The following ZSCAN32 variants were observed in gnomAD, a reference collection of about 807,000 sequenced individuals.
ZSCAN32 encodes the protein zinc finger and SCAN domain-containing protein 32.
ZSCAN32 carries 52 observed loss-of-function variants against 47.4 expected under a neutral mutation model. The observed-to-expected ratio is 1.10, with a 90% CI of 0.88 to 1.38. The LOEUF (loss-of-function observed/expected upper bound fraction) is 1.38. ZSCAN32 is among the 40% of genes most tolerant of loss of function. The pLI is 0.00. For missense variants in ZSCAN32, 959 were observed against 846.0 expected, an observed-to-expected ratio of 1.13 and a Z score of -1.66; for synonymous variants, 346 against 305.7, an observed-to-expected ratio of 1.13 and a Z score of -1.38.
At chr16:3,390,667 T>C in intron 3 of ZSCAN32, 150 bp from the exon 4 acceptor site, 1 of 600,452 alleles carries the variant, frequency 1.7e-6, no homozygotes, top group South Asian at 2.0e-5. Context: ...TCAGATCTTC[T>C]GAATCGGAAA....
At chr16:3,390,370 T>C in intron 4 of ZSCAN32, 53 bp downstream of exon 4, 1 of 1,472,898 alleles carries the variant, frequency 6.8e-7, no homozygotes. Context: ...AGGAGGAGGG[T>C]TTTGGGGTGA....
intron 1 of ZSCAN32, among the ~76,000 whole-genome samples, chr16:3,399,106 G>A (rs1043028664): frequency 3.9e-5 from 6 of 152,072 alleles, no homozygotes; most frequent in African/African-American, 1.2e-4. Flanking sequence ...ACCTGTAGTC[G>A]CAGCTACTCG....
intron 4 of ZSCAN32, 109 bp downstream of exon 4, chr16:3,390,314 C>G: frequency 7.4e-7 from 1 of 1,353,520 alleles, no homozygotes; most frequent in South Asian, 1.5e-5. Flanking sequence ...CAAAATAACC[C>G]GAGAAGCCCC....
At chr16:3,389,517 C>T (rs1382392372) in intron 5 of ZSCAN32, among the ~76,000 whole-genome samples, 1 of 152,192 alleles carries the variant, frequency 6.6e-6, no homozygotes, top group Non-Finnish European at 1.5e-5. Context: ...GTCTGCTTGG[C>T]AGAACCTTCC....
At chr16:3,398,862 G>A (rs1567331231) in intron 1 of ZSCAN32, among the ~76,000 whole-genome samples, 1 of 152,174 alleles carries the variant, frequency 6.6e-6, no homozygotes, top group African/African-American at 2.4e-5. Context: ...GTTCGGGTTT[G>A]CTGTATGTTT....
chr16:3,388,376 C>T (rs1465537627), intron 5 of ZSCAN32, among the ~76,000 whole-genome samples: 1 of 152,170 alleles, frequency 6.6e-6, no homozygotes, highest in Non-Finnish European at 1.5e-5. Context: ...TCAGTGAGGG[C>T]GACCCTGAGG....
Position 3,383,043 on chromosome 16 carries a change from A to G in ZSCAN32, c.1903T>C (p.Cys635Arg), listed in dbSNP as rs775173234. Residue 635 changes from cysteine (C) to arginine (R), a missense_variant, in exon 7 of 7, where the codon TGT becomes CGT. Physicochemically the swap from Cys to Arg is radical, Grantham distance 180 (BLOSUM62 -3). Coordinates refer to ENST00000396852, the MANE Select transcript of ZSCAN32 (RefSeq NM_001284527.2). ...RIHTGESPYKCAVCGKIFNNS... is the reference protein window; with the variant it reads ...RIHTGESPYKRAVCGKIFNNS... Reference sequence around the variant, plus strand: ...TTGAAGATTTTCCCACACACTGCACACTTGTATGGGCTCTCCCCAGTGTGG... The same window carrying G: ...TTGAAGATTTTCCCACACACTGCACGCTTGTATGGGCTCTCCCCAGTGTGG... 6.2e-7 allele frequency: 1 copy of G among 1,613,938 alleles called. No individual in the cohort carries two copies. Among genetic ancestry groups the G allele is most frequent in the Admixed American group, 1.7e-5 (1 of 60,008 alleles).
chr16:3,384,451 A>C lies in ZSCAN32; in HGVS notation c.1234+8T>G. On this transcript the variant is annotated splice_region_variant and intron_variant, in intron 6 of 6. Transcript: ENST00000396852. ...ATCCTTTGACCATCAGAGCCAAGGG[A>C]GTCTTACCAAGTCTGTTTGGGAACA... 2 of 1,614,004 alleles carry C rather than the reference A, an allele frequency of 1.2e-6. No homozygotes were observed. Among genetic ancestry groups the C allele is most frequent in the South Asian group, 2.2e-5 (2 of 91,072 alleles).
intron 5 of ZSCAN32, among the ~76,000 whole-genome samples, chr16:3,388,262 T>TC (rs2032245220): frequency 6.6e-6 from 1 of 152,222 alleles, no homozygotes; most frequent in Non-Finnish European, 1.5e-5. Flanking sequence ...CCCACCTCGC[T>TC]CCAGCCCAAG....
At chr16:3,385,857 G>A (rs1180775131) in intron 5 of ZSCAN32, among the ~76,000 whole-genome samples, 1 of 152,106 alleles carries the variant, frequency 6.6e-6, no homozygotes, top group Non-Finnish European at 1.5e-5. Context: ...GAAAACCTAG[G>A]CATTACCATT....
At chr16:3,384,422 T>G (rs1453648432) in intron 6 of ZSCAN32, 37 bp downstream of exon 6, 1 of 1,612,102 alleles carries the variant, frequency 6.2e-7, no homozygotes, top group Non-Finnish European at 8.5e-7. Context: ...AAGTGGACTT[T>G]GCCATCCTTT....
Position 3,383,579 on chromosome 16 carries a change from T to A in ZSCAN32, c.1367A>T (p.Glu456Val), listed in dbSNP as rs771405482. 4 of 1,613,946 alleles carry A rather than the reference T, an allele frequency of 2.5e-6. No individual in the cohort carries two copies. Among genetic ancestry groups the A allele is most frequent in the Non-Finnish European group, 3.4e-6 (4 of 1,180,040 alleles). Residue 456 changes from glutamate to valine, a missense_variant, in exon 7 of 7, where the codon GAG becomes GTG. Physicochemically the swap from Glu to Val is moderately radical, Grantham distance 121 (BLOSUM62 -2). Transcript: ENST00000396852. ...YWHSELQKGL[E>V]SEPTSRRQCR... is the part of the protein sequence containing the mutation. ...TTGCCTTCTTGATGTTGGCTCACTC[T>A]CCAAGCCTTTTTGTAGCTCAGAGTG...
Position 3,397,569 on chromosome 16 carries a change from A to C in ZSCAN32, c.-12T>G. ...ACTGCAGCCATCATTTGCTTCAACG[A>C]ACTGGCTTACTCTGGTTGCCACTTC... On this transcript the variant is annotated 5_prime_UTR_variant, in exon 2 of 7. Coordinates refer to ENST00000396852, the MANE Select transcript of ZSCAN32 (RefSeq NM_001284527.2). 3 of 1,520,604 alleles carry C rather than the reference A, an allele frequency of 2.0e-6. No individual in the cohort carries two copies. The highest frequency in any genetic ancestry group is 2.7e-6 in the Non-Finnish European group (3 of 1,129,542). The allele number at this position is 1,520,604 out of a possible 1,614,324, so 94.2% of individuals were successfully genotyped here.
chr16:3,394,029 G>A (rs552897974), intron 2 of ZSCAN32, among the ~76,000 whole-genome samples: 4 of 152,264 alleles, frequency 2.6e-5, no homozygotes, highest in South Asian at 2.1e-4. Flanking sequence ...TTGGGAGGCC[G>A]AGGCAGGTGG....
In ZSCAN32 at chr16:3,383,158, C is replaced by G. The variant is rs907167602; in HGVS notation, c.1788G>C (p.Gln596His). ...FNQSSSLIVH[Q>H]RTHTGEKPYQ... is the part of the protein sequence containing the mutation. ...AAGGCTTTTCCCCGGTATGGGTCCT[C>G]TGGTGGACAATGAGGCTGGAACTCT... Residue 596 changes from glutamine to histidine, a missense_variant, in exon 7 of 7, where the codon CAG (glutamine) becomes CAC (histidine). Transcript: ENST00000396852. 3 of 1,614,056 alleles carry G rather than the reference C, an allele frequency of 1.9e-6. No homozygotes were observed. The African/African-American group carries it at 4.0e-5, about 22-fold the overall frequency.
intron 3 of ZSCAN32, 60 bp downstream of exon 3, chr16:3,393,589 T>A (rs2033073067): frequency 9.0e-6 from 13 of 1,449,712 alleles, no homozygotes; most frequent in Non-Finnish European, 1.2e-5. Flanking sequence ...TTCAGACCTT[T>A]GTTTCCAGTA....
intron 5 of ZSCAN32, among the ~76,000 whole-genome samples, chr16:3,388,056 A>G (rs1325248184): frequency 6.6e-6 from 1 of 152,244 alleles, no homozygotes; most frequent in South Asian, 2.1e-4. Context: ...ATTATCTATG[A>G]AGGACAGGAG....
chr16:3,397,312 CA>C lies in ZSCAN32; in HGVS notation c.245del (p.Leu82TrpfsTer5). 1 of 1,570,782 alleles carries C rather than the reference CA, an allele frequency of 6.4e-7. No individual in the cohort carries two copies. On this transcript the variant is annotated frameshift_variant, in exon 2 of 7. Transcript: ENST00000396852. LOFTEE classifies it high-confidence loss of function. ...SKEEILELLV[L>X]EQFLTILPEE... Reference sequence around the variant, plus strand: ...CTGGCAAGATAGTCAGAAACTGCTCCAAAACCAGCAGCTCCAGGATTTCCTC... The same window carrying C: ...CTGGCAAGATAGTCAGAAACTGCTCCAAACCAGCAGCTCCAGGATTTCCTC...
Position 3,397,568 on chromosome 16 carries a change from G to T in ZSCAN32, c.-11C>A. ...CACTGCAGCCATCATTTGCTTCAAC[G>T]AACTGGCTTACTCTGGTTGCCACTT... On this transcript the variant is annotated 5_prime_UTR_variant, in exon 2 of 7. Transcript: ENST00000396852. 6.6e-7 allele frequency: 1 copy of T among 1,521,176 alleles called. No individual in the cohort carries two copies. The highest frequency in any genetic ancestry group is 8.9e-7 in the Non-Finnish European group (1 of 1,129,864). 94.2% of individuals were successfully genotyped at this position (1,521,176 alleles called of 1,614,324 possible).
Sources: gnomAD v4.1 joint callset for allele counts (sites outside exome capture counted in the v4.1 genomes callset) on GRCh38, gnomAD v4.1.1 for gene constraint, MANE v1.5 for transcripts, NCBI Gene and HGNC (gene_info 2026-07-23, HGNC 2026-07-21) for gene names.